Variants in SAMD5 observed in about 807,000 individuals in gnomAD.
SAMD5 encodes sterile alpha motif domain containing 5, also known as sterile alpha motif domain-containing protein 5.
SAMD5 carries 13 observed loss-of-function variants against 11.3 expected under a neutral mutation model. The observed-to-expected ratio is 1.15, with a 90% CI of 0.75 to 1.83. The LOEUF is 1.83. Among genes scored for constraint, SAMD5 ranks in the 40% most tolerant of loss-of-function variants. SAMD5 has a pLI of 0.00. For missense variants in SAMD5, 255 were observed against 239.1 expected, an observed-to-expected ratio of 1.07 and a Z score of -0.44; for synonymous variants, 129 against 111.3, an observed-to-expected ratio of 1.16 and a Z score of -1.00.
chr6:147,944,985 C>G, the SAMD5 span, among the ~76,000 whole-genome samples: 1 of 152,200 alleles, frequency 6.6e-6, no homozygotes, highest in South Asian at 2.1e-4. Context: ...TATTCCGCAA[C>G]TGAGATATAG....
chr6:147,559,144 G>T (rs1278227503), intron 1 of SAMD5, among the ~76,000 whole-genome samples: 8 of 152,222 alleles, frequency 5.3e-5, no homozygotes, highest in Non-Finnish European at 1.2e-4. Context: ...AGGCGGTAAG[G>T]CGGCACTGGC....
chr6:147,623,857 A>G (rs894322533), intron 1 of SAMD5, among the ~76,000 whole-genome samples: 1 of 152,004 alleles, frequency 6.6e-6, no homozygotes, highest in Non-Finnish European at 1.5e-5. Flanking sequence ...AGTTTATTTT[A>G]GTCTTTTTTT....
the SAMD5 span, among the ~76,000 whole-genome samples, chr6:147,896,747 A>AC: frequency 2.3e-5 from 2 of 87,408 alleles, no homozygotes; most frequent in African/African-American, 2.1e-4. Context: ...CCAAAAAAAA[A>AC]AAAAAAAAAA....
the SAMD5 span, among the ~76,000 whole-genome samples, chr6:147,876,556 A>T: frequency 6.6e-6 from 1 of 152,196 alleles, no homozygotes; most frequent in East Asian, 1.9e-4. Flanking sequence ...TAATTCTGTG[A>T]CTCCATATTG....
chr6:147,812,429 C>T, the SAMD5 span, among the ~76,000 whole-genome samples: 1 of 151,748 alleles, frequency 6.6e-6, no homozygotes, highest in African/African-American at 2.4e-5. Flanking sequence ...GTTTGGGGAG[C>T]GGAAGGGCTC....
chr6:147,931,402 GCCCT>G, the SAMD5 span, among the ~76,000 whole-genome samples: 7 of 152,078 alleles, frequency 4.6e-5, no homozygotes, highest in East Asian at 1.4e-3. Context: ...ATATTAAAAT[GCCCT>G]CATTTTTCAA....
At chr6:147,862,473 C>T in the SAMD5 span, among the ~76,000 whole-genome samples, 25 of 152,170 alleles carry the variant, frequency 1.6e-4, 1 homozygote, top group Non-Finnish European at 1.5e-5. Context: ...GATGAAAAGA[C>T]CCTGTAGGGG....
chr6:147,787,671 T>G, the SAMD5 span, among the ~76,000 whole-genome samples: 14 of 152,280 alleles, frequency 9.2e-5, no homozygotes, highest in East Asian at 2.5e-3. Flanking sequence ...TGTATTAAGA[T>G]GAAATGTTAT....
chr6:147,771,803 T>C, the SAMD5 span, among the ~76,000 whole-genome samples: 3 of 152,194 alleles, frequency 2.0e-5, no homozygotes, highest in African/African-American at 4.8e-5. Flanking sequence ...GCAAACATTG[T>C]TGGAGTTTTT....
the SAMD5 span, among the ~76,000 whole-genome samples, chr6:147,873,291 C>T: frequency 6.6e-6 from 1 of 151,654 alleles, no homozygotes; most frequent in Non-Finnish European, 1.5e-5. Context: ...GCAGGAGAAT[C>T]GCTTGAACCA....
chr6:147,787,763 G>GA, the SAMD5 span, among the ~76,000 whole-genome samples: 1 of 152,120 alleles, frequency 6.6e-6, no homozygotes, highest in Non-Finnish European at 1.5e-5. Flanking sequence ...ATGGAGTACC[G>GA]AAAAAAGATT....
chr6:147,871,912 C>T, the SAMD5 span, among the ~76,000 whole-genome samples: 17 of 152,106 alleles, frequency 1.1e-4, no homozygotes, highest in Non-Finnish European at 1.8e-4. Flanking sequence ...AACTCTCTTT[C>T]TTCAAAGTAA....
At chr6:147,865,210 A>C in the SAMD5 span, among the ~76,000 whole-genome samples, 1 of 151,950 alleles carries the variant, frequency 6.6e-6, no homozygotes, top group Non-Finnish European at 1.5e-5. Flanking sequence ...GTTGGGTTTC[A>C]CCATATATGA....
At chr6:147,533,604 T>TGAG (rs1213750852) in intron 1 of SAMD5, among the ~76,000 whole-genome samples, 1 of 151,984 alleles carries the variant, frequency 6.6e-6, no homozygotes, top group Non-Finnish European at 1.5e-5. Flanking sequence ...TCCAGCCGAA[T>TGAG]GAGGAGCCCT....
chr6:147,628,238 C>T (rs1475137875), intron 1 of SAMD5, among the ~76,000 whole-genome samples: 4 of 152,112 alleles, frequency 2.6e-5, no homozygotes, highest in Non-Finnish European at 2.9e-5. Context: ...AAATGAATTA[C>T]AATCTAATAT....
the SAMD5 span, among the ~76,000 whole-genome samples, chr6:147,909,561 T>TTTCTTTCA: frequency 1.4e-4 from 2 of 14,338 alleles, no homozygotes; most frequent in African/African-American, 3.3e-4. Flanking sequence ...ATCCATCTTT[T>TTTCTTTCA]TTCTTTCTTT....
At chr6:147,652,802 T>A (rs1022249724) in intron 1 of SAMD5, among the ~76,000 whole-genome samples, 8 of 152,262 alleles carry the variant, frequency 5.3e-5, no homozygotes, top group African/African-American at 1.9e-4. Context: ...TGGTGAATCC[T>A]GTCACTTTGT....
the SAMD5 span, among the ~76,000 whole-genome samples, chr6:147,819,518 C>A: frequency 6.6e-6 from 1 of 152,192 alleles, no homozygotes; most frequent in South Asian, 2.1e-4. Context: ...TTTCTTGCTA[C>A]TCACTGCAAG....
chr6:147,584,907 T>C (rs1461846367), intron 1 of SAMD5, among the ~76,000 whole-genome samples: 1 of 152,176 alleles, frequency 6.6e-6, no homozygotes, highest in Non-Finnish European at 1.5e-5. Flanking sequence ...AATCTGTTGA[T>C]TTTGCAAAAG....
Sources: allele counts gnomAD v4.1 joint callset (sites outside exome capture counted in the v4.1 genomes callset), GRCh38; gene constraint gnomAD v4.1.1; transcripts MANE v1.5; gene names NCBI Gene and HGNC (gene_info 2026-07-23, HGNC 2026-07-21).